The following SLC35E3 variants were observed in gnomAD, a reference collection of about 807,000 sequenced individuals.
The protein encoded by SLC35E3 is bladder cancer-overexpressed gene 1 protein.
In SLC35E3, 28 loss-of-function variants were observed where a neutral mutation model predicts 30.8. The ratio of observed to expected loss-of-function variants is 0.91; its 90% confidence interval spans 0.67 to 1.25. SLC35E3 has a LOEUF of 1.25. SLC35E3 is among the 50% of genes most tolerant of loss of function. SLC35E3 has a pLI of 0.00. For synonymous variants in SLC35E3, 146 were observed against 149.2 expected (o/e 0.98, Z 0.16); for missense variants, 365 against 375.4 (o/e 0.97, Z 0.23).
intron 3 of SLC35E3, among the ~76,000 whole-genome samples, chr12:68,753,736 C>T (rs539997955): frequency 1.3e-5 from 2 of 151,688 alleles, no homozygotes; most frequent in East Asian, 1.9e-4. Context: ...CCCCCTAATC[C>T]GTGCCCCTTG....
At position 68,770,038 on chromosome 12, in the gene SLC35E3, G is replaced by A. The variant is rs1388700056; in HGVS notation, c.*5148G>A. On this transcript the variant is annotated 3_prime_UTR_variant, in exon 5 of 5. Transcript: ENST00000398004. ...CTGGCCCAGGCTTGGCACTTGTGGA[G>A]GGAGTCCATGAGGAAAGTTTGAGCT... The A allele has an allele frequency of 6.6e-6, 1 of 152,240 alleles. No individual in the cohort carries two copies. Among genetic ancestry groups the A allele is most frequent in the Non-Finnish European group, 1.5e-5 (1 of 68,070 alleles). 9.4% of individuals were successfully genotyped at this position (152,240 alleles called of 1,614,324 possible). A position where few individuals can be genotyped will look rare whatever the true frequency, so the allele number is the denominator to read the frequency against.
At position 68,765,051 on chromosome 12, in the gene SLC35E3, G is replaced by A; in HGVS notation, c.*161G>A. On this transcript the variant is annotated 3_prime_UTR_variant, in exon 5 of 5. Transcript: ENST00000398004. Reference sequence around the variant, plus strand: ...GCCAGCGGATCACTTGAGGTCAGGAGTTCGAGACCAGCCTGACCAACATGG... The same window carrying A: ...GCCAGCGGATCACTTGAGGTCAGGAATTCGAGACCAGCCTGACCAACATGG... 3.6e-6 allele frequency: 2 copies of A among 557,634 alleles called. No homozygotes were observed. Among genetic ancestry groups the A allele is most frequent in the Non-Finnish European group, 6.2e-6 (2 of 323,124 alleles). The allele number at this position is 557,634 out of a possible 1,614,324, so 34.5% of individuals were successfully genotyped here. A position where few individuals can be genotyped will look rare whatever the true frequency, so the allele number is the denominator to read the frequency against.
In SLC35E3 at chr12:68,765,528, A is replaced by G. The variant is rs1592546529; in HGVS notation, c.*638A>G. 1.3e-5 allele frequency: 2 copies of G among 151,368 alleles called. No individual in the cohort carries two copies. Among genetic ancestry groups the G allele is most frequent in the East Asian group, 3.9e-4 (2 of 5,144 alleles). The allele number at this position is 151,368 out of a possible 1,614,324, so 9.4% of individuals were successfully genotyped here. ...CTTGAGCCTGGGAGGCGGAGGTTGC[A>G]ATGAGCCAAGATCGTACCACTGCAC... On this transcript the variant is annotated 3_prime_UTR_variant, in exon 5 of 5. Transcript: ENST00000398004.
Position 68,775,801 on chromosome 12 carries a change from A to T in SLC35E3, c.*10911A>T, listed in dbSNP as rs1879723170. 6.6e-6 allele frequency: 1 copy of T among 150,884 alleles called. No homozygotes were observed. Among genetic ancestry groups the T allele is most frequent in the Non-Finnish European group, 1.5e-5 (1 of 67,800 alleles). 9.3% of individuals were successfully genotyped at this position (150,884 alleles called of 1,614,324 possible). On this transcript the variant is annotated 3_prime_UTR_variant, in exon 5 of 5. Transcript: ENST00000398004. Reference sequence around the variant, plus strand: ...CGTCTCTACTAAAAATATAAAAATTAGCCAGGCATGCTGGCGTGTGCCTGT... The same window carrying T: ...CGTCTCTACTAAAAATATAAAAATTTGCCAGGCATGCTGGCGTGTGCCTGT...
rs1387298450 is a variant in SLC35E3 at position 68,779,395 on chromosome 12, G to T, written c.*14505G>T. On this transcript the variant is annotated 3_prime_UTR_variant, in exon 5 of 5. Transcript: ENST00000398004. The stretch of plus-strand genomic sequence containing the variant: ...TTAATGTTGAGAATGTTCTAGAATA[G>T]TGAGTCATTAGATTTCAAAATATTG... The T allele has an allele frequency of 6.6e-6, 1 of 152,156 alleles. No homozygotes were observed. The highest frequency in any genetic ancestry group is 1.5e-5 in the Non-Finnish European group (1 of 68,020). 9.4% of individuals were successfully genotyped at this position (152,156 alleles called of 1,614,324 possible).
rs1879519380 is a variant in SLC35E3, at chr12:68,768,578, C to T, written c.*3688C>T. 6.6e-6 allele frequency: 1 copy of T among 152,218 alleles called. No individual in the cohort carries two copies. Among genetic ancestry groups the T allele is most frequent in the African/African-American group, 2.4e-5 (1 of 41,460 alleles). The allele number at this position is 152,218 out of a possible 1,614,324, so 9.4% of individuals were successfully genotyped here. A position where few individuals can be genotyped will look rare whatever the true frequency, so the allele number is the denominator to read the frequency against. ...AGTGCTTTCAAAGAAAACATGCTTG[C>T]TGTCCTTTGTTACCAGTGTAATTGT... On this transcript the variant is annotated 3_prime_UTR_variant, in exon 5 of 5. Coordinates refer to ENST00000398004, the MANE Select transcript of SLC35E3 (RefSeq NM_018656.5).
At chr12:68,752,910 C>T (rs1833148594) in intron 3 of SLC35E3, among the ~76,000 whole-genome samples, 1 of 151,276 alleles carries the variant, frequency 6.6e-6, no homozygotes, top group African/African-American at 2.4e-5. Flanking sequence ...CTTTGGGAGA[C>T]CAAGGCAGGC....
At chr12:68,757,924 C>T (rs768221477) in intron 3 of SLC35E3, among the ~76,000 whole-genome samples, 10 of 149,240 alleles carry the variant, frequency 6.7e-5, no homozygotes, top group Non-Finnish European at 1.5e-4. Context: ...CCCATCTCTA[C>T]CAAAAAATTC....
rs756741871 is a variant in SLC35E3, at chr12:68,775,274, G to C, written c.*10384G>C. ...GGAACTCAGGAAGCAACAACTAAGC[G>C]TACTCGTTGTCTTAGTCCATTTTGT... On this transcript the variant is annotated 3_prime_UTR_variant, in exon 5 of 5. Transcript: ENST00000398004. 6 of 152,200 alleles carry C rather than the reference G, an allele frequency of 3.9e-5. No individual in the cohort carries two copies. Among genetic ancestry groups the C allele is most frequent in the African/African-American group, 1.2e-4 (5 of 41,446 alleles). 9.4% of individuals were successfully genotyped at this position (152,200 alleles called of 1,614,324 possible). A position where few individuals can be genotyped will look rare whatever the true frequency, so the allele number is the denominator to read the frequency against.
chr12:68,749,708 T>C (rs1021059835), intron 2 of SLC35E3, among the ~76,000 whole-genome samples: 2 of 152,100 alleles, frequency 1.3e-5, no homozygotes, highest in African/African-American at 4.8e-5. Context: ...CACACAGAAA[T>C]GAGCTCAGCA....
Position 68,746,242 on chromosome 12 carries a change from G to A in SLC35E3, c.-136G>A, listed in dbSNP as rs539817612. The stretch of plus-strand genomic sequence containing the variant: ...CTGTTAAGAGTGCTACTCGCCCGGG[G>A]TTGATCTGTGCATGCCACTCCTGGG... On this transcript the variant is annotated 5_prime_UTR_variant, in exon 1 of 5. Transcript: ENST00000398004. 2 of 791,754 alleles carry A rather than the reference G, an allele frequency of 2.5e-6. No homozygotes were observed. The highest frequency in any genetic ancestry group is 3.0e-5 in the Admixed American group (1 of 33,528). The allele number at this position is 791,754 out of a possible 1,614,324, so 49.0% of individuals were successfully genotyped here. A position where few individuals can be genotyped will look rare whatever the true frequency, so the allele number is the denominator to read the frequency against.
At chr12:68,760,780 C>A (rs1278221885) in intron 4 of SLC35E3, among the ~76,000 whole-genome samples, 1 of 152,112 alleles carries the variant, frequency 6.6e-6, no homozygotes, top group South Asian at 2.1e-4. Context: ...ACCACATAGA[C>A]AAAAGTCTTT....
In SLC35E3 at chr12:68,772,688, T is replaced by C. The variant is rs549404242; in HGVS notation, c.*7798T>C. 2.6e-5 allele frequency: 4 copies of C among 152,340 alleles called. No homozygotes were observed. Among genetic ancestry groups the C allele is most frequent in the African/African-American group, 4.8e-5 (2 of 41,592 alleles). 9.4% of individuals were successfully genotyped at this position (152,340 alleles called of 1,614,324 possible). A position where few individuals can be genotyped will look rare whatever the true frequency, so the allele number is the denominator to read the frequency against. On this transcript the variant is annotated 3_prime_UTR_variant, in exon 5 of 5. Coordinates refer to ENST00000398004, the MANE Select transcript of SLC35E3 (RefSeq NM_018656.5). Reference sequence around the variant, plus strand: ...CCACAAGAACAAGCATGGATACTTATTTAACCAGCCAAGACTATGCATTTC... The same window carrying C: ...CCACAAGAACAAGCATGGATACTTACTTAACCAGCCAAGACTATGCATTTC...
At position 68,772,573 on chromosome 12, in the gene SLC35E3, T is replaced by C. The variant is rs1879631107; in HGVS notation, c.*7683T>C. ...GAGTATTAGGGGAATGTTTTTGTTATGCTGCTTTTAATTTGGAAAGCAGCA... is the reference window on the plus strand; with the variant it reads ...GAGTATTAGGGGAATGTTTTTGTTACGCTGCTTTTAATTTGGAAAGCAGCA... On this transcript the variant is annotated 3_prime_UTR_variant, in exon 5 of 5. Transcript: ENST00000398004. 2 of 152,256 alleles carry C rather than the reference T, an allele frequency of 1.3e-5. No homozygotes were observed. Among genetic ancestry groups the C allele is most frequent in the Non-Finnish European group, 2.9e-5 (2 of 68,044 alleles). The allele number at this position is 152,256 out of a possible 1,614,324, so 9.4% of individuals were successfully genotyped here. A position where few individuals can be genotyped will look rare whatever the true frequency, so the allele number is the denominator to read the frequency against.
At chr12:68,748,078 G>A (rs2136065254) in intron 2 of SLC35E3, 38 bp downstream of exon 2, 1 of 1,156,886 alleles carries the variant, frequency 8.6e-7, no homozygotes, top group Non-Finnish European at 1.3e-6. Flanking sequence ...CTTTTTAGCA[G>A]ATTTCATAAA....
rs1397498317 is a variant in SLC35E3, at chr12:68,778,371, G to A, written c.*13481G>A. On this transcript the variant is annotated 3_prime_UTR_variant, in exon 5 of 5. Coordinates refer to ENST00000398004, the MANE Select transcript of SLC35E3 (RefSeq NM_018656.5). ...AGTAACCTTGTCTAATAGGTTATCTGTACTCAACAAGCCTAGAACACACAC... is the reference window on the plus strand; with the variant it reads ...AGTAACCTTGTCTAATAGGTTATCTATACTCAACAAGCCTAGAACACACAC... 1.3e-5 allele frequency: 2 copies of A among 149,466 alleles called. No homozygotes were observed. Among genetic ancestry groups the A allele is most frequent in the African/African-American group, 4.8e-5 (2 of 41,244 alleles). The allele number at this position is 149,466 out of a possible 1,614,324, so 9.3% of individuals were successfully genotyped here. A position where few individuals can be genotyped will look rare whatever the true frequency, so the allele number is the denominator to read the frequency against.
chr12:68,747,353 T>G (rs1878628007), intron 1 of SLC35E3, among the ~76,000 whole-genome samples: 1 of 151,042 alleles, frequency 6.6e-6, no homozygotes, highest in African/African-American at 2.4e-5. Context: ...CACCGCAACC[T>G]CCGCCTCCCG....
intron 1 of SLC35E3, 101 bp downstream of exon 1, chr12:68,746,880 A>C: frequency 7.8e-7 from 1 of 1,285,542 alleles, no homozygotes; most frequent in Non-Finnish European, 1.1e-6. Flanking sequence ...TCATCTTGAA[A>C]TCCACAAATG....
At position 68,746,579 on chromosome 12, in the gene SLC35E3, G is replaced by A. The variant is rs368141980; in HGVS notation, c.202G>A (p.Ala68Thr). The stretch of plus-strand genomic sequence containing the variant: ...TATCTGCCAGAAGCTGGACATCTTT[G>A]CCCCCAAAAGTCTGCCGCCCTCCAG... ...LYICQKLDIF[A>T]PKSLPPSRLL... Residue 68 changes from alanine to threonine, a missense_variant, in exon 1 of 5, where the codon GCC (alanine) becomes ACC (threonine). Ala to Thr is a moderately conservative substitution (Grantham distance 58, BLOSUM62 0). Coordinates refer to ENST00000398004, the MANE Select transcript of SLC35E3 (RefSeq NM_018656.5). The A allele has an allele frequency of 1.9e-6, 3 of 1,614,042 alleles. No individual in the cohort carries two copies. Among genetic ancestry groups the A allele is most frequent in the Admixed American group, 3.3e-5 (2 of 60,000 alleles).
Sources: gnomAD v4.1 joint callset for allele counts (sites outside exome capture counted in the v4.1 genomes callset) on GRCh38, gnomAD v4.1.1 for gene constraint, MANE v1.5 for transcripts, NCBI Gene and HGNC (gene_info 2026-07-23, HGNC 2026-07-21) for gene names.